Variants in ZNF704 observed in about 807,000 individuals in gnomAD.
ZNF704 encodes the protein glucocorticoid induced gene 1.
In ZNF704, 10 loss-of-function variants were observed where a neutral mutation model predicts 44.7. The ratio of observed to expected loss-of-function variants is 0.22; its 90% CI spans 0.14 to 0.38. The LOEUF is 0.38. ZNF704 is among the 10% of genes least tolerant of loss of function. The pLI is 1.00. For synonymous variants in ZNF704, 211 were observed against 207.6 expected, an observed-to-expected ratio of 1.02 and a Z score of -0.14; for missense variants, 390 against 545.5, an observed-to-expected ratio of 0.71 and a Z score of 2.84.
chr8:80,858,640 G>A (rs987233013), intron 1 of ZNF704, among the ~76,000 whole-genome samples: 18 of 151,694 alleles, frequency 1.2e-4, no homozygotes, highest in South Asian at 2.1e-4. Flanking sequence ...GGCTGAGGCC[G>A]TGCCACTGCA....
At chr8:80,768,286 A>G (rs1457753196) in intron 2 of ZNF704, among the ~76,000 whole-genome samples, 1 of 152,182 alleles carries the variant, frequency 6.6e-6, no homozygotes, top group Admixed American at 6.6e-5. Flanking sequence ...TCCTTAAAAA[A>G]TAAAGCTTTA....
intron 2 of ZNF704, among the ~76,000 whole-genome samples, chr8:80,709,442 C>CAAAAAAAAAAAA: frequency 6.3e-5 from 1 of 15,834 alleles, no homozygotes; most frequent in Non-Finnish European, 1.3e-4. Context: ...GACTCCATCT[C>CAAAAAAAAAAAA]AAAAAAAAAA....
intron 1 of ZNF704, among the ~76,000 whole-genome samples, chr8:80,843,515 A>T (rs538466082): frequency 1.3e-5 from 2 of 152,372 alleles, no homozygotes; most frequent in South Asian, 4.1e-4. Context: ...CTCTAGCTTC[A>T]AAAGGCAAAT....
chr8:80,672,986 C>T (rs1818307052), intron 4 of ZNF704, among the ~76,000 whole-genome samples: 1 of 151,874 alleles, frequency 6.6e-6, no homozygotes, highest in Non-Finnish European at 1.5e-5. Context: ...TAGTAAATAA[C>T]AATACCTTGA....
intron 2 of ZNF704, among the ~76,000 whole-genome samples, chr8:80,786,495 C>T (rs928488294): frequency 6.6e-6 from 1 of 152,158 alleles, no homozygotes; most frequent in Non-Finnish European, 1.5e-5. Context: ...TTAGAAAGGA[C>T]ATAATAATTG....
chr8:80,667,399 A>C (rs1011284518), intron 5 of ZNF704, among the ~76,000 whole-genome samples: 1 of 152,212 alleles, frequency 6.6e-6, no homozygotes, highest in African/African-American at 2.4e-5. Flanking sequence ...TGTTGTCAGC[A>C]ATATTCCAGA....
chr8:80,839,004 CAG>C (rs1281454314), intron 1 of ZNF704, among the ~76,000 whole-genome samples: 2 of 152,204 alleles, frequency 1.3e-5, no homozygotes, highest in Non-Finnish European at 2.9e-5. Flanking sequence ...GCTGAGTTTG[CAG>C]AGTTCCGGCC....
intron 2 of ZNF704, among the ~76,000 whole-genome samples, chr8:80,808,127 G>A (rs1354521849): frequency 6.6e-6 from 1 of 152,196 alleles, no homozygotes. Context: ...TTAAGATCAA[G>A]GAGCAGCAGA....
In ZNF704 at chr8:80,664,895, T is replaced by C; in HGVS notation, c.847A>G (p.Thr283Ala). 1.9e-6 allele frequency: 3 copies of C among 1,614,102 alleles called. No individual in the cohort carries two copies. The highest frequency in any genetic ancestry group is 2.5e-6 in the Non-Finnish European group (3 of 1,180,014). The change falls in exon 6 of 9, where the codon ACG becomes GCG. Residue 283 changes from threonine to alanine, a missense_variant. Thr to Ala is a moderately conservative substitution (Grantham distance 58). Coordinates refer to ENST00000327835, the MANE Select transcript of ZNF704 (RefSeq NM_001033723.3). The stretch of plus-strand genomic sequence containing the variant: ...AACGGCGTCATCAACTTAGTCTCCG[T>C]TTTGGCACAAGGAGTTTCTGTTCGG... ...SSRTETPCAK[T>A]ETKLMTPLSR...
At chr8:80,764,500 T>C (rs998715019) in intron 2 of ZNF704, among the ~76,000 whole-genome samples, 3 of 152,078 alleles carry the variant, frequency 2.0e-5, no homozygotes, top group Admixed American at 6.6e-5. Flanking sequence ...CCTCGACACA[T>C]GGGGATTACA....
chr8:80,880,900 A>G, the ZNF704 span, among the ~76,000 whole-genome samples: 1 of 152,284 alleles, frequency 6.6e-6, no homozygotes, highest in Non-Finnish European at 1.5e-5. Flanking sequence ...TAAAACACTT[A>G]GATATAATAT....
At chr8:80,871,590 C>T (rs1290039807) in intron 1 of ZNF704, among the ~76,000 whole-genome samples, 1 of 152,184 alleles carries the variant, frequency 6.6e-6, no homozygotes, top group African/African-American at 2.4e-5. Flanking sequence ...TTGATTGTTG[C>T]TATGATGCCT....
chr8:80,726,237 T>C (rs1344188823), intron 2 of ZNF704, among the ~76,000 whole-genome samples: 1 of 152,196 alleles, frequency 6.6e-6, no homozygotes, highest in Non-Finnish European at 1.5e-5. Context: ...ATTTGCAATT[T>C]TTTTCTTACT....
In ZNF704 at chr8:80,641,412, CA is replaced by C; in HGVS notation, c.1192del (p.Cys398ValfsTer45). 6.2e-7 allele frequency: 1 copy of C among 1,613,754 alleles called. No homozygotes were observed. Among genetic ancestry groups the C allele is most frequent in the Non-Finnish European group, 8.5e-7 (1 of 1,179,870 alleles). On this transcript the variant is annotated frameshift_variant, in exon 9 of 9. Coordinates refer to ENST00000327835, the MANE Select transcript of ZNF704 (RefSeq NM_001033723.3). LOFTEE classifies it high-confidence loss of function. ...VYGMENRDMW[C>X]TACRWKKACQ... ...GGCCTTCTTCCAGCGGCAGGCGGTA[CA>C]CCACATGTCTCGGTTCTCCATCCCG...
intron 2 of ZNF704, among the ~76,000 whole-genome samples, chr8:80,815,832 C>T (rs1358287166): frequency 1.3e-5 from 2 of 152,204 alleles, no homozygotes; most frequent in African/African-American, 4.8e-5. Flanking sequence ...GCTTCTGTGT[C>T]TGGAGAACTT....
chr8:80,859,841 T>C (rs1809028943), intron 1 of ZNF704, among the ~76,000 whole-genome samples: 2 of 151,900 alleles, frequency 1.3e-5, no homozygotes, highest in Middle Eastern at 3.4e-3. Context: ...GAGGTCAGGG[T>C]TGGTGAAAGG....
upstream of ZNF704, among the ~76,000 whole-genome samples, chr8:80,875,906 T>C (rs1365898045): frequency 1.3e-5 from 2 of 152,200 alleles, no homozygotes; most frequent in Non-Finnish European, 2.9e-5. Flanking sequence ...GATGTACCTA[T>C]TTCAGGTGAT....
chr8:80,798,222 A>G (rs1189040911), intron 2 of ZNF704, among the ~76,000 whole-genome samples: 1 of 151,670 alleles, frequency 6.6e-6, no homozygotes, highest in African/African-American at 2.4e-5. Flanking sequence ...TCTCAGTTCC[A>G]TCTGAAACCT....
intron 1 of ZNF704, among the ~76,000 whole-genome samples, chr8:80,847,498 C>T (rs913192304): frequency 6.6e-6 from 1 of 152,102 alleles, no homozygotes; most frequent in Non-Finnish European, 1.5e-5. Flanking sequence ...TGGAAAGGCA[C>T]AGGACCTAGA....
Sources: gnomAD v4.1 joint callset for allele counts (sites outside exome capture counted in the v4.1 genomes callset) on GRCh38, gnomAD v4.1.1 for gene constraint, MANE v1.5 for transcripts, NCBI Gene and HGNC (gene_info 2026-07-23, HGNC 2026-07-21) for gene names.